OSBPL2: variants seen among roughly 807,000 people sequenced by gnomAD.
OSBPL2 encodes oxysterol binding protein like 2.
Under a neutral mutation model 58.4 loss-of-function variants are expected in OSBPL2, and 18 were observed. The ratio of observed to expected loss-of-function variants is 0.31; its 90% confidence interval spans 0.21 to 0.46. The LOEUF is 0.46. Ranked by LOEUF, OSBPL2 falls within the 20% of genes least tolerant of loss-of-function variation. The pLI, the probability that OSBPL2 is intolerant of heterozygous loss-of-function variation, is 1.00. For missense variants in OSBPL2, 461 were observed against 616.5 expected, an observed-to-expected ratio of 0.75 and a Z score of 2.67; for synonymous variants, 221 against 234.1, an observed-to-expected ratio of 0.94 and a Z score of 0.51.
chr20:62,256,336 A>G (rs574833230), intron 2 of OSBPL2, 115 bp downstream of exon 2: 51 of 851,652 alleles, frequency 6.0e-5, no homozygotes, highest in South Asian at 2.7e-4. Context: ...TGTGTGGGTG[A>G]GCGTTCACGA....
chr20:62,251,275 C>T (rs1468131857), intron 1 of OSBPL2, among the ~76,000 whole-genome samples: 1 of 151,194 alleles, frequency 6.6e-6, no homozygotes, highest in Non-Finnish European at 1.5e-5. Flanking sequence ...AGGATGGTCT[C>T]GATTTCCTGA....
At chr20:62,273,035 G>A (rs1240367792) in intron 5 of OSBPL2, among the ~76,000 whole-genome samples, 1 of 152,216 alleles carries the variant, frequency 6.6e-6, no homozygotes, top group Non-Finnish European at 1.5e-5. Flanking sequence ...CGGAGTGGCT[G>A]ACATTGCTGC....
Position 62,279,963 on chromosome 20 carries a change from G to T in OSBPL2, c.674+624G>T, listed in dbSNP as rs1304867066. 5 of 1,303,870 alleles carry T rather than the reference G, an allele frequency of 3.8e-6. 1 individual carries two copies. The South Asian group carries it at 6.2e-5, about 16-fold the overall frequency. 80.8% of individuals were successfully genotyped at this position (1,303,870 alleles called of 1,614,324 possible). A position where few individuals can be genotyped will look rare whatever the true frequency, so the allele number is the denominator to read the frequency against. The stretch of plus-strand genomic sequence containing the variant: ...GTGGGAGGGGACCCTCTGAGAGGCT[G>T]CTTGCCACCCCTCTTCACTCTCAGC... On this transcript the variant is annotated intron_variant, in intron 7 of 13. Coordinates refer to ENST00000313733, the MANE Select transcript of OSBPL2 (RefSeq NM_144498.4).
Position 62,256,333 on chromosome 20 carries a change from G to T in OSBPL2, c.37+112G>T. 3 of 919,834 alleles carry T rather than the reference G, an allele frequency of 3.3e-6. No homozygotes were observed. The South Asian group carries it at 4.7e-5, about 14-fold the overall frequency. The allele number at this position is 919,834 out of a possible 1,614,324, so 57.0% of individuals were successfully genotyped here. A position where few individuals can be genotyped will look rare whatever the true frequency, so the allele number is the denominator to read the frequency against. ...AGATGCTCAGTAAAGCAGTGTGTGG[G>T]TGAGCGTTCACGATCCCAAACACGG... On this transcript the variant is annotated intron_variant, in intron 2 of 13. Coordinates refer to ENST00000313733, the MANE Select transcript of OSBPL2 (RefSeq NM_144498.4).
intron 4 of OSBPL2, among the ~76,000 whole-genome samples, chr20:62,267,944 G>A (rs1461308605): frequency 5.3e-5 from 8 of 151,796 alleles, no homozygotes; most frequent in African/African-American, 1.7e-4. Flanking sequence ...GTGCAGTGGC[G>A]CGATCTCAGC....
chr20:62,291,945 C>A lies in OSBPL2; in HGVS notation c.1340+152C>A. The stretch of plus-strand genomic sequence containing the variant: ...GGGAGTGCCTTCTCTCACCCCCACA[C>A]CCCTGTGGCTGGGCAGTTACTGTTC... On this transcript the variant is annotated intron_variant, in intron 13 of 13. Coordinates refer to ENST00000313733, the MANE Select transcript of OSBPL2 (RefSeq NM_144498.4). The A allele has an allele frequency of 5.0e-6, 3 of 600,206 alleles. No homozygotes were observed. In the South Asian group the frequency reaches 5.8e-5, roughly 12 times the overall value. 37.2% of individuals were successfully genotyped at this position (600,206 alleles called of 1,614,324 possible).
chr20:62,272,309 T>C, intron 5 of OSBPL2, 50 bp downstream of exon 5: 1 of 1,594,710 alleles, frequency 6.3e-7, no homozygotes, highest in Non-Finnish European at 8.5e-7. Flanking sequence ...GTGATGCCCC[T>C]TGCATGTCTG....
chr20:62,251,105 G>A (rs34259616), intron 1 of OSBPL2, among the ~76,000 whole-genome samples: 59,481 of 141,996 alleles, frequency 0.42, 12,447 homozygotes, highest in East Asian at 0.46. Flanking sequence ...GTGCAGTGGT[G>A]CGATCTCGGC....
At chr20:62,253,826 T>A (rs1980738654) in intron 1 of OSBPL2, among the ~76,000 whole-genome samples, 1 of 151,140 alleles carries the variant, frequency 6.6e-6, no homozygotes, top group Non-Finnish European at 1.5e-5. Context: ...GGTTTCACTC[T>A]TGTTGCCCAG....
chr20:62,240,257 C>G (rs118009262), intron 1 of OSBPL2, among the ~76,000 whole-genome samples: 2,753 of 152,306 alleles, frequency 0.018, 40 homozygotes, highest in Middle Eastern at 0.031. Context: ...GCACTTCCTC[C>G]CTGCCCAGCC....
rs6061479 is a variant in OSBPL2, at chr20:62,283,775, C to G, written c.873-271C>G. Among the ~76,000 whole-genome samples the G allele has an allele frequency of 0.98, 149,000 of 152,098 alleles. 73,056 individuals are homozygous for G. The highest frequency in any genetic ancestry group is 1 in the East Asian group (5,154 of 5,154). Reference sequence around the variant, plus strand: ...TCTCCTGCAGTCCCATGGGCCATCTCTCTTTTGGGTTTCTGTCCCTTCCCA... The same window carrying G: ...TCTCCTGCAGTCCCATGGGCCATCTGTCTTTTGGGTTTCTGTCCCTTCCCA... On this transcript the variant is annotated intron_variant, in intron 9 of 13. Transcript: ENST00000313733.
At position 62,291,724 on chromosome 20, in the gene OSBPL2, A is replaced by C. The variant is rs1456073030; in HGVS notation, c.1271A>C (p.Glu424Ala). 3.1e-6 allele frequency: 5 copies of C among 1,613,514 alleles called. No homozygotes were observed. The highest frequency in any genetic ancestry group is 3.3e-5 in the Admixed American group (2 of 59,986). The change falls in exon 13 of 14, where the codon GAG becomes GCG. Residue 424 changes from glutamate (E) to alanine (A), a missense_variant. Transcript: ENST00000313733. ...CTAGATCTGGCCAGCCAGGAGAAGG[A>C]GCGGCTGGAGGAGAAGCAGAGAGAA... ...GNMDLASQEK[E>A]RLEEKQREAR...
Position 62,291,717 on chromosome 20 carries a change from GAGA to G in OSBPL2, c.1267_1269del (p.Lys423del). On this transcript the variant is annotated inframe_deletion, in exon 13 of 14. Transcript: ENST00000313733. ...TTGGATCCTAGATCTGGCCAGCCAG[GAGA>G]AGGAGCGGCTGGAGGAGAAGCAGAG... 6.2e-7 allele frequency: 1 copy of G among 1,613,760 alleles called. No individual in the cohort carries two copies. The highest frequency in any genetic ancestry group is 1.1e-5 in the South Asian group (1 of 91,084).
intron 3 of OSBPL2, among the ~76,000 whole-genome samples, chr20:62,263,304 G>C (rs1981442105): frequency 6.6e-6 from 1 of 152,198 alleles, no homozygotes; most frequent in Non-Finnish European, 1.5e-5. Flanking sequence ...TGTGGGCTCT[G>C]CGGGCAGAGG....
chr20:62,281,532 G>C (rs1386702350), intron 8 of OSBPL2: 1 of 511,186 alleles, frequency 2.0e-6, no homozygotes, highest in East Asian at 3.2e-5. Flanking sequence ...CACCACTTTA[G>C]TGAGGTATAA....
In OSBPL2 at chr20:62,283,915, T is replaced by C. The variant is rs1231449345; in HGVS notation, c.873-131T>C. The stretch of plus-strand genomic sequence containing the variant: ...CAGAATGCAAATTTTCACCTTCGCA[T>C]TTATGTCCAGAGATGTCCCAAGATG... On this transcript the variant is annotated intron_variant, in intron 9 of 13. Coordinates refer to ENST00000313733, the MANE Select transcript of OSBPL2 (RefSeq NM_144498.4). The C allele has an allele frequency of 4.5e-6, 4 of 892,508 alleles. No homozygotes were observed. The Admixed American group carries it at 1.0e-4, about 22-fold the overall frequency. 55.3% of individuals were successfully genotyped at this position (892,508 alleles called of 1,614,324 possible). A position where few individuals can be genotyped will look rare whatever the true frequency, so the allele number is the denominator to read the frequency against.
chr20:62,286,276 C>T (rs1401798402), intron 10 of OSBPL2: 1 of 214,768 alleles, frequency 4.7e-6, no homozygotes, highest in African/African-American at 2.3e-5. Flanking sequence ...TAGTGAAACC[C>T]CGTCTCTACT....
At chr20:62,276,495 G>T (rs1982394430) in intron 6 of OSBPL2, among the ~76,000 whole-genome samples, 2 of 152,230 alleles carry the variant, frequency 1.3e-5, no homozygotes, top group Admixed American at 1.3e-4. Flanking sequence ...GGCTGGGTCA[G>T]CTGCTGGTCC....
At chr20:62,255,072 C>G (rs1980828001) in intron 1 of OSBPL2, 1 of 151,900 alleles carries the variant, frequency 6.6e-6, no homozygotes, top group Non-Finnish European at 1.5e-5. Context: ...TTGAAGCTCA[C>G]CTGCTCTCTC....
Sources: allele counts gnomAD v4.1 joint callset (sites outside exome capture counted in the v4.1 genomes callset), GRCh38; gene constraint gnomAD v4.1.1; transcripts MANE v1.5; gene names NCBI Gene and HGNC (gene_info 2026-07-23, HGNC 2026-07-21).